Variants in PRKG1 observed in about 807,000 individuals in gnomAD.
The protein encoded by PRKG1 is cGMP-dependent protein kinase 1.
Under a neutral mutation model 88.1 loss-of-function variants are expected in PRKG1, and 35 were observed. That is an observed-to-expected ratio of 0.40 (90% confidence interval 0.30 to 0.53). The LOEUF is 0.53. Among genes scored for constraint, PRKG1 ranks in the 20% least tolerant of loss-of-function variants. The pLI is 0.59. For synonymous variants in PRKG1, 303 were observed against 292.5 expected (o/e 1.04, Z -0.37); for missense variants, 540 against 839.8 (o/e 0.64, Z 4.41).
chr10:51,392,277 G>A (rs1837424517), intron 2 of PRKG1, among the ~76,000 whole-genome samples: 1 of 151,834 alleles, frequency 6.6e-6, no homozygotes, highest in African/African-American at 2.4e-5. Flanking sequence ...AGGACCCTGC[G>A]GCCTTCCGCA....
chr10:51,291,603 G>A (rs370376926), intron 2 of PRKG1, among the ~76,000 whole-genome samples: 36 of 152,128 alleles, frequency 2.4e-4, no homozygotes, highest in Admixed American at 5.9e-4. Context: ...ATCAATCACC[G>A]CTGAAGCCCT....
intron 3 of PRKG1, among the ~76,000 whole-genome samples, chr10:51,621,375 C>T (rs1434211527): frequency 6.6e-6 from 1 of 151,948 alleles, no homozygotes; most frequent in Non-Finnish European, 1.5e-5. Flanking sequence ...GTGAGCATCA[C>T]CTCATATAAC....
intron 2 of PRKG1, among the ~76,000 whole-genome samples, chr10:51,255,395 A>G (rs1839531308): frequency 6.6e-6 from 1 of 152,152 alleles, no homozygotes; most frequent in Non-Finnish European, 1.5e-5. Flanking sequence ...AGAATCAGCC[A>G]GGATGCTTTT....
intron 9 of PRKG1, among the ~76,000 whole-genome samples, chr10:52,188,185 T>C (rs1839246399): frequency 6.9e-6 from 1 of 145,094 alleles, no homozygotes; most frequent in Admixed American, 7.2e-5. Flanking sequence ...GTATGATATC[T>C]ATGTATGTGT....
At chr10:51,127,733 A>G (rs1845466833) in intron 1 of PRKG1, among the ~76,000 whole-genome samples, 1 of 152,228 alleles carries the variant, frequency 6.6e-6, no homozygotes, top group African/African-American at 2.4e-5. Flanking sequence ...GATAGACTGG[A>G]TAAAGAAAAT....
At chr10:51,309,548 A>G (rs1841127795) in intron 2 of PRKG1, among the ~76,000 whole-genome samples, 1 of 152,226 alleles carries the variant, frequency 6.6e-6, no homozygotes, top group South Asian at 2.1e-4. Flanking sequence ...ATGAGTTAGC[A>G]TCTTATACCA....
chr10:52,226,941 T>C (rs1452059610), intron 9 of PRKG1, among the ~76,000 whole-genome samples: 1 of 152,104 alleles, frequency 6.6e-6, no homozygotes, highest in East Asian at 1.9e-4. Flanking sequence ...TACAGTGAAA[T>C]AGGCAAATAG....
Position 52,288,800 on chromosome 10 carries a change from C to A in PRKG1, c.1784C>A (p.Pro595Gln). Residue 595 changes from proline to glutamine, a missense_variant, in exon 15 of 18, where the codon CCA becomes CAA. Coordinates refer to ENST00000373980, the MANE Select transcript of PRKG1 (RefSeq NM_006258.4). The stretch of plus-strand genomic sequence containing the variant: ...AGGGGGATTGACATGATAGAATTTC[C>A]AAAGAAGATTGCCAAAAATGCTGCT... ...ILRGIDMIEF[P>Q]KKIAKNAANL... 1.2e-6 allele frequency: 2 copies of A among 1,607,540 alleles called. No individual in the cohort carries two copies. The highest frequency in any genetic ancestry group is 1.7e-6 in the Non-Finnish European group (2 of 1,177,310).
At chr10:52,033,235 AAT>A (rs1845515442) in intron 5 of PRKG1, among the ~76,000 whole-genome samples, 1 of 152,184 alleles carries the variant, frequency 6.6e-6, no homozygotes, top group Non-Finnish European at 1.5e-5. Flanking sequence ...GAAACACTTT[AAT>A]GAGAAGATTG....
intron 2 of PRKG1, among the ~76,000 whole-genome samples, chr10:51,178,095 C>A (rs572057322): frequency 6.6e-6 from 1 of 152,156 alleles, no homozygotes; most frequent in South Asian, 2.1e-4. Flanking sequence ...TTTGAAAAAG[C>A]AACACTCAAA....
intron 3 of PRKG1, among the ~76,000 whole-genome samples, chr10:51,659,020 A>G (rs1272408988): frequency 6.6e-6 from 1 of 152,146 alleles, no homozygotes; most frequent in Non-Finnish European, 1.5e-5. Context: ...TCAAAATGAG[A>G]TCACCAGCGA....
intron 7 of PRKG1, among the ~76,000 whole-genome samples, chr10:52,078,520 G>A (rs1383806193): frequency 2.0e-5 from 3 of 152,116 alleles, no homozygotes; most frequent in Non-Finnish European, 4.4e-5. Flanking sequence ...ACTACCATGA[G>A]CTAACCTATG....
intron 3 of PRKG1, among the ~76,000 whole-genome samples, chr10:51,470,425 C>T (rs556395646): frequency 6.6e-6 from 1 of 151,874 alleles, no homozygotes; most frequent in South Asian, 2.1e-4. Flanking sequence ...TTCTTACATA[C>T]CTCGGCTTTT....
At chr10:51,994,704 GGAGGATA>G (rs1448816129) in intron 5 of PRKG1, among the ~76,000 whole-genome samples, 1 of 152,152 alleles carries the variant, frequency 6.6e-6, no homozygotes, top group Non-Finnish European at 1.5e-5. Flanking sequence ...ACAGCCTCCA[GGAGGATA>G]GAGTGTGCTG....
chr10:51,467,681 A>G (rs1839943741), intron 2 of PRKG1, 42 bp from the exon 3 acceptor site: 1 of 1,473,364 alleles, frequency 6.8e-7, no homozygotes, highest in East Asian at 2.3e-5. Context: ...ATGAAGCATG[A>G]GAAATAATTT....
At chr10:51,632,033 C>T (rs1210139879) in intron 3 of PRKG1, among the ~76,000 whole-genome samples, 1 of 152,016 alleles carries the variant, frequency 6.6e-6, no homozygotes, top group African/African-American at 2.4e-5. Flanking sequence ...CACATGCAGC[C>T]CAGGACAGCT....
chr10:51,534,900 A>C (rs911635508), intron 3 of PRKG1, among the ~76,000 whole-genome samples: 5 of 152,156 alleles, frequency 3.3e-5, no homozygotes, highest in Non-Finnish European at 5.9e-5. Context: ...TGAATGGTAT[A>C]TTGCTCACTT....
intron 2 of PRKG1, among the ~76,000 whole-genome samples, chr10:51,156,114 C>A (rs776360036): frequency 6.6e-6 from 1 of 151,914 alleles, no homozygotes; most frequent in Non-Finnish European, 1.5e-5. Context: ...AATTTACTAA[C>A]CCTTTCCCCA....
intron 7 of PRKG1, among the ~76,000 whole-genome samples, chr10:52,124,259 C>T (rs576805133): frequency 3.9e-5 from 6 of 152,294 alleles, no homozygotes; most frequent in South Asian, 2.1e-4. Context: ...GTAGAGTCTA[C>T]TCACACAAAC....
Sources: gnomAD v4.1 joint callset for allele counts (sites outside exome capture counted in the v4.1 genomes callset) on GRCh38, gnomAD v4.1.1 for gene constraint, MANE v1.5 for transcripts, NCBI Gene and HGNC (gene_info 2026-07-23, HGNC 2026-07-21) for gene names.